Variants in SLC45A3 observed in about 807,000 individuals in gnomAD.
SLC45A3 encodes the protein solute carrier family 45 member 3, also known as prostate cancer associated protein 2.
SLC45A3 carries 17 observed loss-of-function variants against 35.3 expected under a neutral mutation model. The ratio of observed to expected loss-of-function variants is 0.48; its 90% confidence interval spans 0.33 to 0.72. The LOEUF (loss-of-function observed/expected upper bound fraction) is 0.72, where lower values mean the gene tolerates loss of function less well. SLC45A3 is among the 30% of genes least tolerant of loss of function. SLC45A3 has a pLI of 0.02. For synonymous variants in SLC45A3, 288 were observed against 334.3 expected (o/e 0.86, Z 1.51); for missense variants, 597 against 731.7 (o/e 0.82, Z 2.12).
chr1:205,677,336 G>A (rs146334979), intron 1 of SLC45A3, among the ~76,000 whole-genome samples: 14 of 152,284 alleles, frequency 9.2e-5, no homozygotes, highest in African/African-American at 2.6e-4. Flanking sequence ...TCTACGGGCC[G>A]ATTCCCTTGC....
At position 205,669,603 on chromosome 1, in the gene SLC45A3, A is replaced by G. The variant is rs1671175332; in HGVS notation, c.-230-4717T>C. On this transcript the variant is annotated intron_variant, in intron 1 of 4. Transcript: ENST00000367145. The surrounding 1 kb of genome is among the most constrained non-coding windows in gnomAD (Gnocchi z 4.1). Reference sequence around the variant, plus strand: ...ATTCTAAGGCTTCTTTATGCAGGCCAGCGTCAAACCCCACCCAGGCACATC... The same window carrying G: ...ATTCTAAGGCTTCTTTATGCAGGCCGGCGTCAAACCCCACCCAGGCACATC... Among the ~76,000 whole-genome samples, 1 of 152,106 alleles carries G rather than the reference A, an allele frequency of 6.6e-6. No individual in the cohort carries two copies. The highest frequency in any genetic ancestry group is 2.1e-4 in the South Asian group (1 of 4,832).
intron 1 of SLC45A3, among the ~76,000 whole-genome samples, chr1:205,676,319 C>T (rs1671314564): frequency 6.6e-6 from 1 of 152,176 alleles, no homozygotes; most frequent in African/African-American, 2.4e-5. Flanking sequence ...AGGGTATCCC[C>T]TCTGGCTGGG....
In SLC45A3 at chr1:205,664,157, C is replaced by T. The variant is rs1671077665; in HGVS notation, c.172+328G>A. Among the ~76,000 whole-genome samples the T allele has an allele frequency of 6.6e-6, 1 of 152,142 alleles. No homozygotes were observed. The highest frequency in any genetic ancestry group is 2.4e-5 in the African/African-American group (1 of 41,426). ...CTGCTTCCTTCTCTGTAAAATGGAT[C>T]ACCTCAAATGGTGGTTGTAAGCATT... On this transcript the variant is annotated intron_variant, in intron 2 of 4. Coordinates refer to ENST00000367145, the MANE Select transcript of SLC45A3 (RefSeq NM_033102.3). This position sits in a 1 kb window ranked among gnomAD's most constrained non-coding sequence, Gnocchi z 5.3.
At chr1:205,667,409 AAGG>A (rs1176310835) in intron 1 of SLC45A3, among the ~76,000 whole-genome samples, 5 of 152,324 alleles carry the variant, frequency 3.3e-5, no homozygotes, top group South Asian at 2.1e-4. Flanking sequence ...CGGGAGGCTG[AAGG>A]AGGAGAATTG....
Position 205,664,716 on chromosome 1 carries a change from C to T in SLC45A3, c.-60G>A, listed in dbSNP as rs1475579863. 2.5e-5 allele frequency: 39 copies of T among 1,576,630 alleles called. No individual in the cohort carries two copies. The highest frequency in any genetic ancestry group is 2.3e-4 in the South Asian group (20 of 86,566). The stretch of plus-strand genomic sequence containing the variant: ...CAGGCACTCCAGAACTGCTTCGTCT[C>T]GGCTCTGCTCCAGAAGCTGCGGCCT... On this transcript the variant is annotated 5_prime_UTR_variant, in exon 2 of 5. Coordinates refer to ENST00000367145, the MANE Select transcript of SLC45A3 (RefSeq NM_033102.3). The surrounding 1 kb of genome is among the most constrained non-coding windows in gnomAD (Gnocchi z 5.3).
intron 1 of SLC45A3, among the ~76,000 whole-genome samples, chr1:205,671,062 A>AG (rs1259050557): frequency 6.6e-6 from 1 of 152,080 alleles, no homozygotes; most frequent in Non-Finnish European, 1.5e-5. Flanking sequence ...GGGGAAGGGG[A>AG]GGGGAAGGGA....
rs145219219 is a variant in SLC45A3 at position 205,659,563 on chromosome 1, G to A, written c.1333C>T (p.His445Tyr). The part of the protein sequence containing the change: ...PKPGAPFPNG[H>Y]VGAGGSGLLP... Reference sequence around the variant, plus strand: ...AGGCCACTGCCTCCAGCACCCACGTGTCCATTAGGGAAGGGAGCTCCAGGC... The same window carrying A: ...AGGCCACTGCCTCCAGCACCCACGTATCCATTAGGGAAGGGAGCTCCAGGC... Residue 445 changes from histidine to tyrosine, a missense_variant, in exon 5 of 5, where the codon CAC becomes TAC. This residue lies in a region of SLC45A3 where 555 missense variants were observed against 664.9 expected (regional missense o/e 0.83). Transcript: ENST00000367145. This position sits in a 1 kb window ranked among gnomAD's most constrained non-coding sequence, Gnocchi z 5.8. 95 of 1,599,754 alleles carry A rather than the reference G, an allele frequency of 5.9e-5. No homozygotes were observed. Among genetic ancestry groups the A allele is most frequent in the Non-Finnish European group, 7.0e-5 (82 of 1,172,798 alleles).
chr1:205,677,768 T>A (rs1193105070), intron 1 of SLC45A3, among the ~76,000 whole-genome samples: 1 of 152,240 alleles, frequency 6.6e-6, no homozygotes, highest in African/African-American at 2.4e-5. Flanking sequence ...TAGTTGGTAC[T>A]AACATTTATT....
chr1:205,662,004 C>T lies in SLC45A3; in HGVS notation c.1081G>A (p.Ala361Thr), dbSNP rs140300319. 175 of 1,614,090 alleles carry T rather than the reference C, an allele frequency of 1.1e-4. 1 individual carries two copies. The highest frequency in any genetic ancestry group is 4.5e-4 in the Admixed American group (27 of 60,010). Residue 361 changes from alanine (A) to threonine (T), a missense_variant, in exon 4 of 5, where the codon GCT becomes ACT. Physicochemically the swap from Ala to Thr is moderately conservative, Grantham distance 58. Around this residue, in one of 3 missense-constraint regions of SLC45A3, gnomAD observed 555 missense variants for 664.9 expected, o/e 0.83. Transcript: ENST00000367145. The surrounding 1 kb of genome is among the most constrained non-coding windows in gnomAD (Gnocchi z 6.2). ...TRAVYLASVAAFPVAAGATCL... is the reference protein window; with the variant it reads ...TRAVYLASVATFPVAAGATCL... ...GTGGCACCGGCAGCCACAGGGAAAG[C>T]TGCCACACTGGCCAAATAGACTGCT...
chr1:205,662,628 C>T lies in SLC45A3; in HGVS notation c.958+205G>A. On this transcript the variant is annotated intron_variant, in intron 3 of 4. Coordinates refer to ENST00000367145, the MANE Select transcript of SLC45A3 (RefSeq NM_033102.3). This position sits in a 1 kb window ranked among gnomAD's most constrained non-coding sequence, Gnocchi z 6.2. ...TGGGGCAACGACTCTGATCAGACTC[C>T]TAGAGCAGCCAGAGGCCTTCCTGAA... The T allele has an allele frequency of 7.2e-7, 1 of 1,380,882 alleles. No homozygotes were observed. The highest frequency in any genetic ancestry group is 9.3e-7 in the Non-Finnish European group (1 of 1,072,618). 85.5% of individuals were successfully genotyped at this position (1,380,882 alleles called of 1,614,324 possible). A position where few individuals can be genotyped will look rare whatever the true frequency, so the allele number is the denominator to read the frequency against.
Position 205,659,649 on chromosome 1 carries a change from C to A in SLC45A3, c.1247G>T (p.Gly416Val), listed in dbSNP as rs764318789. ...EKQVFLPKYRGDTGGASSEDS... is the reference protein window; with the variant it reads ...EKQVFLPKYRVDTGGASSEDS... ...CTCACTGCTAGCACCTCCAGTGTCCCCTCGGTATTTGGGCAGGAACACCTA... is the reference window on the plus strand; with the variant it reads ...CTCACTGCTAGCACCTCCAGTGTCCACTCGGTATTTGGGCAGGAACACCTA... The change falls in exon 5 of 5, where the codon GGG becomes GTG. Residue 416 changes from glycine (G) to valine (V), a missense_variant. Physicochemically the swap from Gly to Val is moderately radical, Grantham distance 109 (BLOSUM62 -3). Around this residue, in one of 3 missense-constraint regions of SLC45A3, gnomAD observed 555 missense variants for 664.9 expected, o/e 0.83. Coordinates refer to ENST00000367145, the MANE Select transcript of SLC45A3 (RefSeq NM_033102.3). The surrounding 1 kb of genome is among the most constrained non-coding windows in gnomAD (Gnocchi z 5.8). 1.3e-6 allele frequency: 2 copies of A among 1,528,730 alleles called. No homozygotes were observed. Among genetic ancestry groups the A allele is most frequent in the Non-Finnish European group, 1.8e-6 (2 of 1,140,312 alleles). The allele number at this position is 1,528,730 out of a possible 1,614,324, so 94.7% of individuals were successfully genotyped here.
Position 205,680,446 on chromosome 1 carries a change from G to GC in SLC45A3, c.-284dup, listed in dbSNP as rs959637461. ...GAGCCAGCGCGTGCAGGCTGGTTCC[G>GC]CCCCCCCTTCCTTGCCCCCCACGCG... is the stretch of plus-strand genomic sequence containing the variant. On this transcript the variant is annotated 5_prime_UTR_variant, in exon 1 of 5. Transcript: ENST00000367145. 7 of 152,604 alleles carry GC rather than the reference G, an allele frequency of 4.6e-5. No homozygotes were observed. Among genetic ancestry groups the GC allele is most frequent in the East Asian group, 1.9e-4 (1 of 5,180 alleles). The allele number at this position is 152,604 out of a possible 1,614,324, so 9.5% of individuals were successfully genotyped here.
At chr1:205,660,048 A>G (rs1670991550) in intron 4 of SLC45A3, among the ~76,000 whole-genome samples, 2 of 152,116 alleles carry the variant, frequency 1.3e-5, no homozygotes, top group Non-Finnish European at 2.9e-5. Flanking sequence ...AGAGGAACAA[A>G]AGCCAAGGCA....
intron 1 of SLC45A3, among the ~76,000 whole-genome samples, chr1:205,674,458 G>A (rs978784280): frequency 1.3e-5 from 2 of 151,530 alleles, no homozygotes; most frequent in African/African-American, 2.4e-5. Flanking sequence ...GTGGTGGCAC[G>A]TGCCTGTAAT....
At chr1:205,670,122 C>T (rs1281459181) in intron 1 of SLC45A3, among the ~76,000 whole-genome samples, 1 of 152,216 alleles carries the variant, frequency 6.6e-6, no homozygotes, top group Non-Finnish European at 1.5e-5. Flanking sequence ...ACCCTCACGG[C>T]AGCTCCACGG....
Position 205,664,772 on chromosome 1 carries a change from A to G in SLC45A3, c.-116T>C. On this transcript the variant is annotated 5_prime_UTR_variant, in exon 2 of 5. Coordinates refer to ENST00000367145, the MANE Select transcript of SLC45A3 (RefSeq NM_033102.3). The surrounding 1 kb of genome is among the most constrained non-coding windows in gnomAD (Gnocchi z 5.3). ...CCTTGCTGCCGCCAACTGCCTAGGA[A>G]TCAGCCAGGCGCCCATTTCTGCCAG... 1 of 1,468,806 alleles carries G rather than the reference A, an allele frequency of 6.8e-7. No individual in the cohort carries two copies. Among genetic ancestry groups the G allele is most frequent in the Non-Finnish European group, 9.0e-7 (1 of 1,115,582 alleles). 91.0% of individuals were successfully genotyped at this position (1,468,806 alleles called of 1,614,324 possible). A position where few individuals can be genotyped will look rare whatever the true frequency, so the allele number is the denominator to read the frequency against.
chr1:205,679,685 AACACACACACACACACACAC>A (rs55762304), intron 1 of SLC45A3, among the ~76,000 whole-genome samples: 2 of 138,776 alleles, frequency 1.4e-5, no homozygotes, highest in Non-Finnish European at 3.1e-5. Flanking sequence ...GGGACACAGT[AACACACACACACACACACAC>A]ACACACACAC....
rs1671093723 is a variant in SLC45A3 at position 205,664,843 on chromosome 1, T to C, written c.-187A>G. The C allele has an allele frequency of 5.6e-6, 8 of 1,424,488 alleles. No homozygotes were observed. 88.2% of individuals were successfully genotyped at this position (1,424,488 alleles called of 1,614,324 possible). A position where few individuals can be genotyped will look rare whatever the true frequency, so the allele number is the denominator to read the frequency against. On this transcript the variant is annotated 5_prime_UTR_variant, in exon 2 of 5. Transcript: ENST00000367145. The surrounding 1 kb of genome is among the most constrained non-coding windows in gnomAD (Gnocchi z 5.3). ...TTCTCAGCCCATGCTCAACACCTGC[T>C]GCTGTGGGGCACCTCAGTGGGGACA... is the stretch of plus-strand genomic sequence containing the variant.
At chr1:205,671,731 C>A (rs551430185) in intron 1 of SLC45A3, among the ~76,000 whole-genome samples, 3 of 151,968 alleles carry the variant, frequency 2.0e-5, no homozygotes, top group African/African-American at 7.3e-5. Flanking sequence ...CCAGACATAG[C>A]GGCACATACC....
Sources: allele counts gnomAD v4.1 joint callset (sites outside exome capture counted in the v4.1 genomes callset), GRCh38; gene constraint gnomAD v4.1.1; regional missense constraint gnomAD v4.1.1; non-coding constraint Gnocchi (gnomAD v3.1); transcripts MANE v1.5; gene names NCBI Gene and HGNC (gene_info 2026-07-23, HGNC 2026-07-21).